LTBP2: variants seen among roughly 807,000 people sequenced by gnomAD.
LTBP2 encodes the protein latent transforming growth factor beta binding protein 2.
A neutral mutation model predicts 210.6 loss-of-function variants in LTBP2; 103 were observed. The ratio of observed to expected loss-of-function variants is 0.49; its 90% confidence interval spans 0.42 to 0.58. The LOEUF (loss-of-function observed/expected upper bound fraction) is 0.58. LTBP2 is among the 20% of genes least tolerant of loss of function. LTBP2 has a pLI of 0.00. For synonymous variants in LTBP2, 1,007 were observed against 1,015.0 expected, an observed-to-expected ratio of 0.99 and a Z score of 0.15; for missense variants, 2,313 against 2,494.5, an observed-to-expected ratio of 0.93 and a Z score of 1.55.
At chr14:74,579,233 C>T (rs1241644145) in intron 3 of LTBP2, among the ~76,000 whole-genome samples, 1 of 152,212 alleles carries the variant, frequency 6.6e-6, no homozygotes, top group Non-Finnish European at 1.5e-5. Context: ...GTGCTGCCTT[C>T]CCCGCACCTT....
intron 1 of LTBP2, among the ~76,000 whole-genome samples, chr14:74,609,505 C>A (rs1282357278): frequency 1.3e-5 from 2 of 152,142 alleles, no homozygotes; most frequent in East Asian, 3.9e-4. Context: ...CCTGCTCCAG[C>A]CCAAGCTATG....
At chr14:74,602,295 T>C (rs1489186081) in intron 2 of LTBP2, among the ~76,000 whole-genome samples, 2 of 152,212 alleles carry the variant, frequency 1.3e-5, no homozygotes, top group Admixed American at 6.5e-5. Flanking sequence ...CTTCATAAGA[T>C]GATTGACAGG....
intron 34 of LTBP2, chr14:74,501,838 A>G (rs2086914774): frequency 5.4e-6 from 3 of 554,388 alleles, no homozygotes; most frequent in African/African-American, 3.8e-5. Context: ...AGGGAGGCTG[A>G]GACTCGCTGC....
intron 18 of LTBP2, among the ~76,000 whole-genome samples, chr14:74,511,706 T>C (rs1199425380): frequency 6.6e-6 from 1 of 152,146 alleles, no homozygotes; most frequent in Admixed American, 6.5e-5. Context: ...TTCCTAATCC[T>C]TTATAAGCAG....
chr14:74,509,149 C>T (rs1393734460), intron 22 of LTBP2, 89 bp downstream of exon 22: 2 of 1,598,618 alleles, frequency 1.3e-6, no homozygotes, highest in East Asian at 2.2e-5. Flanking sequence ...GCTCCTCCAG[C>T]CTCAGCAGCC....
At chr14:74,572,777 A>T (rs998705493) in intron 3 of LTBP2, among the ~76,000 whole-genome samples, 4 of 152,134 alleles carry the variant, frequency 2.6e-5, no homozygotes, top group African/African-American at 9.7e-5. Flanking sequence ...ATACCCCCGC[A>T]GAGGGAGACC....
intron 1 of LTBP2, among the ~76,000 whole-genome samples, chr14:74,604,183 A>AAAAC (rs2088491731): frequency 6.6e-6 from 1 of 151,266 alleles, no homozygotes; most frequent in Non-Finnish European, 1.5e-5. Context: ...AAAAAAAAAA[A>AAAAC]ACCACACACA....
chr14:74,573,104 C>T (rs1388466621), intron 3 of LTBP2, among the ~76,000 whole-genome samples: 1 of 152,200 alleles, frequency 6.6e-6, no homozygotes, highest in Non-Finnish European at 1.5e-5. Context: ...ACGCTGGATA[C>T]CTTGCCTAAC....
intron 1 of LTBP2, among the ~76,000 whole-genome samples, chr14:74,606,702 G>A (rs553112272): frequency 6.6e-6 from 1 of 152,250 alleles, no homozygotes; most frequent in African/African-American, 2.4e-5. Context: ...AGCTGGGCAT[G>A]GTGGTAAGCA....
chr14:74,551,399 C>A lies in LTBP2; in HGVS notation c.1400-49G>T, dbSNP rs1030963375. On this transcript the variant is annotated intron_variant, in intron 6 of 35. Coordinates refer to ENST00000261978, the MANE Select transcript of LTBP2 (RefSeq NM_000428.3). ...AGCCAGGGAAGCAGGGCCCCACCCTCATTTCCAACCCTCTGAAGGGTATCC... is the reference window on the plus strand; with the variant it reads ...AGCCAGGGAAGCAGGGCCCCACCCTAATTTCCAACCCTCTGAAGGGTATCC... 5.4e-6 allele frequency: 8 copies of A among 1,491,220 alleles called. No homozygotes were observed. The Admixed American group carries it at 6.6e-5, about 12-fold the overall frequency. 92.4% of individuals were successfully genotyped at this position (1,491,220 alleles called of 1,614,324 possible). A position where few individuals can be genotyped will look rare whatever the true frequency, so the allele number is the denominator to read the frequency against.
chr14:74,529,917 C>T (rs2087328557), intron 10 of LTBP2, among the ~76,000 whole-genome samples: 1 of 152,154 alleles, frequency 6.6e-6, no homozygotes, highest in Non-Finnish European at 1.5e-5. Flanking sequence ...CTGAAGAGGA[C>T]ATCAATCAAA....
chr14:74,539,023 C>T (rs2096777167), intron 8 of LTBP2, among the ~76,000 whole-genome samples: 1 of 152,196 alleles, frequency 6.6e-6, no homozygotes, highest in Admixed American at 6.5e-5. Flanking sequence ...AGCCTGTGAA[C>T]ATTATGAGGA....
At chr14:74,555,907 CT>C (rs991484442) in intron 3 of LTBP2, among the ~76,000 whole-genome samples, 20 of 152,210 alleles carry the variant, frequency 1.3e-4, no homozygotes, top group African/African-American at 4.8e-4. Context: ...ATACCAACCC[CT>C]ATGTGGAATC....
At chr14:74,545,385 G>A (rs1055223869) in intron 8 of LTBP2, among the ~76,000 whole-genome samples, 4 of 152,220 alleles carry the variant, frequency 2.6e-5, no homozygotes, top group African/African-American at 9.6e-5. Context: ...TCAGGAACTG[G>A]CGGCTATTCT....
At chr14:74,524,736 G>T (rs577793929) in intron 15 of LTBP2, among the ~76,000 whole-genome samples, 1 of 152,186 alleles carries the variant, frequency 6.6e-6, no homozygotes, top group Non-Finnish European at 1.5e-5. Context: ...GCAGCTGCTC[G>T]CTGCCAGGCA....
At chr14:74,562,738 G>GA (rs1198500390) in intron 3 of LTBP2, among the ~76,000 whole-genome samples, 1 of 152,074 alleles carries the variant, frequency 6.6e-6, no homozygotes, top group Admixed American at 6.6e-5. Flanking sequence ...CATCAGATTA[G>GA]AAAAAAACCC....
intron 6 of LTBP2, among the ~76,000 whole-genome samples, chr14:74,551,561 C>T (rs551854799): frequency 6.6e-6 from 1 of 152,300 alleles, no homozygotes; most frequent in Non-Finnish European, 1.5e-5. Flanking sequence ...ACTGAAGGAG[C>T]CTCATTATCA....
chr14:74,609,172 TA>T (rs1455094874), intron 1 of LTBP2, among the ~76,000 whole-genome samples: 2 of 152,082 alleles, frequency 1.3e-5, no homozygotes, highest in African/African-American at 4.8e-5. Context: ...AGGAAGAGAA[TA>T]AACAAGATGA....
rs1435012830 is a variant in LTBP2 at position 74,535,965 on chromosome 14, G to A, written c.1825C>T (p.Pro609Ser). Residue 609 changes from proline to serine, a missense_variant, in exon 9 of 36, where the codon CCT (proline) becomes TCT (serine). By Grantham distance (74) the Pro-to-Ser change is moderately conservative (BLOSUM62 -1). Transcript: ENST00000261978. ...AGGTTCAGTCTCTTGTACCCCTGAG[G>A]ACACTCCAGCTGGCCATTCTCAATC... ...PVIENGQLEC[P>S]QGYKRLNLTH... is the part of the protein sequence containing the mutation. 3 of 1,614,034 alleles carry A rather than the reference G, an allele frequency of 1.9e-6. No homozygotes were observed. Among genetic ancestry groups the A allele is most frequent in the East Asian group, 4.5e-5 (2 of 44,892 alleles).
Sources: allele counts gnomAD v4.1 joint callset (sites outside exome capture counted in the v4.1 genomes callset), GRCh38; gene constraint gnomAD v4.1.1; transcripts MANE v1.5; gene names NCBI Gene and HGNC (gene_info 2026-07-23, HGNC 2026-07-21).